TASP1: variants seen among roughly 807,000 people sequenced by gnomAD.
TASP1 encodes taspase 1, also known as threonine aspartase 1.
TASP1 carries 16 observed loss-of-function variants against 56.6 expected under a neutral mutation model. The ratio of observed to expected loss-of-function variants is 0.28; its 90% CI spans 0.19 to 0.43. The LOEUF is 0.43. Among genes scored for constraint, TASP1 ranks in the 20% least tolerant of loss-of-function variants. TASP1 has a pLI of 1.00. For synonymous variants in TASP1, 179 were observed against 184.2 expected (o/e 0.97, Z 0.23); for missense variants, 393 against 511.6 (o/e 0.77, Z 2.24).
the TASP1 span, among the ~76,000 whole-genome samples, chr20:13,353,960 T>C: frequency 6.6e-6 from 1 of 152,052 alleles, no homozygotes; most frequent in Admixed American, 6.5e-5. Context: ...AGAAGAAAAC[T>C]TCAAAAAGTC....
chr20:13,449,169 A>G (rs560248088), intron 11 of TASP1, among the ~76,000 whole-genome samples: 1 of 152,198 alleles, frequency 6.6e-6, no homozygotes, highest in African/African-American at 2.4e-5. Context: ...CTTTTGCTTC[A>G]GGAGGACTAT....
chr20:13,366,867 TAC>T, the TASP1 span, among the ~76,000 whole-genome samples: 4 of 150,586 alleles, frequency 2.7e-5, no homozygotes, highest in Non-Finnish European at 5.9e-5. Flanking sequence ...CTGATTTGAC[TAC>T]ACACACACAC....
chr20:13,591,955 A>G (rs1420120007), intron 4 of TASP1, among the ~76,000 whole-genome samples: 1 of 152,218 alleles, frequency 6.6e-6, no homozygotes, highest in African/African-American at 2.4e-5. Context: ...TAAAAGAAGT[A>G]TAGCTAATAG....
the TASP1 span, among the ~76,000 whole-genome samples, chr20:13,316,584 G>T: frequency 6.6e-6 from 1 of 151,610 alleles, no homozygotes; most frequent in Non-Finnish European, 1.5e-5. Context: ...AAATAATTAT[G>T]CCCCATGACC....
the TASP1 span, among the ~76,000 whole-genome samples, chr20:13,373,328 T>C: frequency 1.3e-5 from 2 of 152,202 alleles, no homozygotes; most frequent in African/African-American, 4.8e-5. Context: ...TCTTTCATAA[T>C]TGCAATTATC....
the TASP1 span, among the ~76,000 whole-genome samples, chr20:13,268,738 A>T: frequency 6.6e-6 from 1 of 152,036 alleles, no homozygotes; most frequent in Non-Finnish European, 1.5e-5. Context: ...CCCCATTCCT[A>T]TTTAAACAGA....
chr20:13,238,465 C>A, the TASP1 span, among the ~76,000 whole-genome samples: 2 of 152,032 alleles, frequency 1.3e-5, no homozygotes, highest in Non-Finnish European at 2.9e-5. Context: ...GGGTTGGGGC[C>A]AAATTAAACT....
chr20:13,160,581 G>A, the TASP1 span, among the ~76,000 whole-genome samples: 1 of 152,150 alleles, frequency 6.6e-6, no homozygotes, highest in Non-Finnish European at 1.5e-5. Flanking sequence ...TAAGTGAGGT[G>A]GAAATGATTT....
intron 11 of TASP1, among the ~76,000 whole-genome samples, chr20:13,455,016 G>C (rs2043774346): frequency 6.6e-6 from 1 of 152,078 alleles, no homozygotes; most frequent in Non-Finnish European, 1.5e-5. Context: ...TTCTACACAT[G>C]TCTAGGAGCC....
intron 11 of TASP1, among the ~76,000 whole-genome samples, chr20:13,460,255 TCTAGCAC>T (rs1366364012): frequency 6.6e-6 from 1 of 152,144 alleles, no homozygotes; most frequent in East Asian, 1.9e-4. Context: ...TTTGCTGCTT[TCTAGCAC>T]TTACTTCACT....
intron 12 of TASP1, among the ~76,000 whole-genome samples, chr20:13,433,427 T>A (rs901010254): frequency 2.0e-4 from 31 of 151,922 alleles, no homozygotes; most frequent in African/African-American, 6.5e-4. Context: ...AAACTAGTAT[T>A]TGTCTTGGTT....
intron 10 of TASP1, among the ~76,000 whole-genome samples, chr20:13,515,548 TAAAAAAA>T (rs34077486): frequency 2.4e-5 from 3 of 122,992 alleles, no homozygotes; most frequent in Non-Finnish European, 3.3e-5. Flanking sequence ...TTCATACACT[TAAAAAAA>T]AAAAAAAAAA....
chr20:13,520,302 C>A (rs1258733496), intron 10 of TASP1, among the ~76,000 whole-genome samples: 1 of 152,154 alleles, frequency 6.6e-6, no homozygotes, highest in Non-Finnish European at 1.5e-5. Flanking sequence ...CAAAAAAGAG[C>A]CCACATTGCC....
At chr20:13,109,814 G>A in the TASP1 span, among the ~76,000 whole-genome samples, 5 of 152,270 alleles carry the variant, frequency 3.3e-5, no homozygotes, top group South Asian at 2.1e-4. Context: ...TGCATTTAAC[G>A]TAGAATTTCA....
intron 10 of TASP1, among the ~76,000 whole-genome samples, chr20:13,514,189 A>T (rs1034359685): frequency 6.6e-6 from 1 of 152,140 alleles, no homozygotes; most frequent in African/African-American, 2.4e-5. Context: ...TCATCTTAGC[A>T]GATTTCAATT....
chr20:13,508,528 C>A (rs1267659282), intron 10 of TASP1, among the ~76,000 whole-genome samples: 1 of 152,048 alleles, frequency 6.6e-6, no homozygotes, highest in Non-Finnish European at 1.5e-5. Context: ...CTGAAAAACT[C>A]CGAAATTCAA....
the TASP1 span, among the ~76,000 whole-genome samples, chr20:13,363,318 TCCC>T: frequency 6.6e-6 from 1 of 152,192 alleles, no homozygotes; most frequent in East Asian, 1.9e-4. Flanking sequence ...ACCATAAAAT[TCCC>T]CAAACTATGG....
At chr20:13,610,949 G>A (rs6109972) in intron 4 of TASP1, among the ~76,000 whole-genome samples, 4,879 of 152,128 alleles carry the variant, frequency 0.032, 218 homozygotes, top group African/African-American at 0.096. Flanking sequence ...GATATTGGGA[G>A]TAAAAAAGCT....
chr20:13,550,589 G>A (rs1390457576), intron 8 of TASP1, among the ~76,000 whole-genome samples: 3 of 151,942 alleles, frequency 2.0e-5, no homozygotes, highest in East Asian at 3.9e-4. Flanking sequence ...AGTCAAAGAA[G>A]TTTCCTACTT....
Sources: allele counts gnomAD v4.1 joint callset (sites outside exome capture counted in the v4.1 genomes callset), GRCh38; gene constraint gnomAD v4.1.1; transcripts MANE v1.5; gene names NCBI Gene and HGNC (gene_info 2026-07-23, HGNC 2026-07-21).